Variants in NFIA observed in about 807,000 individuals in gnomAD.
NFIA encodes the protein nuclear factor I A.
Under a neutral mutation model 62.8 loss-of-function variants are expected in NFIA, and 8 were observed. The observed-to-expected ratio is 0.13, with a 90% CI of 0.07 to 0.23. NFIA has a LOEUF of 0.23. Ranked by LOEUF, NFIA falls within the 10% of genes least tolerant of loss-of-function variation. NFIA has a pLI of 1.00. For missense variants in NFIA, 410 were observed against 642.1 expected (o/e 0.64, Z 3.91); for synonymous variants, 235 against 238.1 (o/e 0.99, Z 0.12).
intron 2 of NFIA, among the ~76,000 whole-genome samples, chr1:61,181,485 T>C (rs1038531913): frequency 2.6e-5 from 4 of 152,260 alleles, no homozygotes; most frequent in African/African-American, 9.6e-5. Context: ...TTTTGTTCAT[T>C]GTGAAAGTCT....
intron 10 of NFIA, among the ~76,000 whole-genome samples, chr1:61,441,294 TGTGTG>T (rs1667564778): frequency 3.7e-5 from 2 of 53,964 alleles, no homozygotes; most frequent in East Asian, 1.4e-3. Context: ...CGTGCAGGGG[TGTGTG>T]TGTGTGTGTG....
At chr1:61,103,016 C>T (rs977416015) in intron 2 of NFIA, among the ~76,000 whole-genome samples, 35 of 152,246 alleles carry the variant, frequency 2.3e-4, no homozygotes, top group African/African-American at 8.4e-4. Context: ...ACTGCATGTT[C>T]TTATTTGTAA....
At chr1:61,276,401 A>G (rs1657809288) in intron 2 of NFIA, among the ~76,000 whole-genome samples, 1 of 152,174 alleles carries the variant, frequency 6.6e-6, no homozygotes, top group Non-Finnish European at 1.5e-5. Context: ...GTTAAGTGTC[A>G]TGACCTTTTG....
At chr1:61,434,377 TC>T (rs1337881581) in intron 10 of NFIA, among the ~76,000 whole-genome samples, 1 of 152,150 alleles carries the variant, frequency 6.6e-6, no homozygotes, top group Non-Finnish European at 1.5e-5. Flanking sequence ...GAGTGAATCG[TC>T]CCAGCTTCCC....
At chr1:61,323,350 T>C (rs1167199344) in intron 3 of NFIA, among the ~76,000 whole-genome samples, 1 of 152,222 alleles carries the variant, frequency 6.6e-6, no homozygotes, top group Non-Finnish European at 1.5e-5. Context: ...TAGAAGTGTT[T>C]CAGCCTTACT....
At chr1:61,231,888 A>C (rs1454201004) in intron 2 of NFIA, among the ~76,000 whole-genome samples, 3 of 151,988 alleles carry the variant, frequency 2.0e-5, no homozygotes, top group Non-Finnish European at 4.4e-5. Flanking sequence ...AAAACAAAAC[A>C]AGAAATAATA....
At chr1:61,380,456 G>A (rs1447103971) in intron 6 of NFIA, among the ~76,000 whole-genome samples, 1 of 152,086 alleles carries the variant, frequency 6.6e-6, no homozygotes, top group Non-Finnish European at 1.5e-5. Context: ...TGGCAAAAGA[G>A]ATTTTAAAAA....
chr1:61,141,098 G>A (rs1466611191), intron 2 of NFIA, among the ~76,000 whole-genome samples: 1 of 150,104 alleles, frequency 6.7e-6, no homozygotes, highest in African/African-American at 2.4e-5. Context: ...AGGCATGTCT[G>A]TAAAATTGAA....
chr1:61,334,429 C>CT (rs1294753095), intron 4 of NFIA, among the ~76,000 whole-genome samples: 153 of 146,068 alleles, frequency 1.0e-3, no homozygotes, highest in African/African-American at 3.3e-3. Flanking sequence ...CTGTATATAT[C>CT]TTTTTTTTTT....
chr1:61,364,985 G>A (rs1019899656), intron 6 of NFIA, among the ~76,000 whole-genome samples: 14 of 152,144 alleles, frequency 9.2e-5, no homozygotes, highest in Admixed American at 2.0e-4. Context: ...AGGAGCTTGA[G>A]ATCAGCCTAA....
intron 2 of NFIA, among the ~76,000 whole-genome samples, chr1:61,187,389 C>T (rs942464068): frequency 6.6e-6 from 1 of 152,204 alleles, no homozygotes; most frequent in Non-Finnish European, 1.5e-5. Context: ...AGCTGCTTCT[C>T]CAACTGCCAT....
rs913332779 is a variant in NFIA, at chr1:61,456,116, G to A, written c.*796G>A. ...AATTCACATGGAAATGGGGAAGATG[G>A]TCTGTTTTGACAGAAACTGACAGGA... On this transcript the variant is annotated 3_prime_UTR_variant, in exon 11 of 11. Transcript: ENST00000403491. 6.6e-6 allele frequency: 1 copy of A among 152,562 alleles called. No individual in the cohort carries two copies. The highest frequency in any genetic ancestry group is 2.4e-5 in the African/African-American group (1 of 41,438). The allele number at this position is 152,562 out of a possible 1,614,324, so 9.5% of individuals were successfully genotyped here.
At chr1:61,309,333 A>G (rs1261762423) in intron 3 of NFIA, among the ~76,000 whole-genome samples, 1 of 152,124 alleles carries the variant, frequency 6.6e-6, no homozygotes, top group Non-Finnish European at 1.5e-5. Flanking sequence ...GGGGCCAGAT[A>G]TGAGCACCCC....
At position 61,461,988 on chromosome 1, in the gene NFIA, AT is replaced by A. The variant is rs1668548770; in HGVS notation, c.*6674del. ...TGTTGTTCTTATTTTTTAAATTTTT[AT>A]TTTTTGATAATAGTCTGTAAGTTAG... On this transcript the variant is annotated 3_prime_UTR_variant, in exon 11 of 11. Transcript: ENST00000403491. 1 of 49,376 alleles carries A rather than the reference AT, an allele frequency of 2.0e-5. No individual in the cohort carries two copies. The highest frequency in any genetic ancestry group is 4.5e-5 in the Non-Finnish European group (1 of 22,300). 3.1% of individuals were successfully genotyped at this position (49,376 alleles called of 1,614,324 possible).
chr1:61,267,273 C>T (rs1402127253), intron 2 of NFIA, among the ~76,000 whole-genome samples: 2 of 152,134 alleles, frequency 1.3e-5, no homozygotes, highest in Non-Finnish European at 2.9e-5. Context: ...CTTTGGGAAG[C>T]TGAGGTGGGT....
intron 2 of NFIA, among the ~76,000 whole-genome samples, chr1:61,102,180 G>C (rs892829260): frequency 3.3e-5 from 5 of 152,194 alleles, no homozygotes; most frequent in African/African-American, 1.2e-4. Flanking sequence ...AAATAAAAAT[G>C]GTTGGGGATT....
chr1:61,428,673 T>A (rs1001112598), intron 10 of NFIA, among the ~76,000 whole-genome samples: 78 of 152,208 alleles, frequency 5.1e-4, no homozygotes, highest in African/African-American at 1.8e-3. Context: ...TACGTAGATA[T>A]AGATAATAAA....
At chr1:61,103,371 C>A (rs965508681) in intron 2 of NFIA, among the ~76,000 whole-genome samples, 1 of 152,208 alleles carries the variant, frequency 6.6e-6, no homozygotes, top group Non-Finnish European at 1.5e-5. Flanking sequence ...ATCATTTCCT[C>A]AAGGAAGCTT....
chr1:61,194,561 A>G (rs191860508), intron 2 of NFIA, among the ~76,000 whole-genome samples: 4 of 152,340 alleles, frequency 2.6e-5, no homozygotes, highest in Admixed American at 2.6e-4. Context: ...TGCAAACTTA[A>G]TTAATTTTCA....
Sources: allele counts gnomAD v4.1 joint callset (sites outside exome capture counted in the v4.1 genomes callset), GRCh38; gene constraint gnomAD v4.1.1; transcripts MANE v1.5; gene names NCBI Gene and HGNC (gene_info 2026-07-23, HGNC 2026-07-21).